TNS3: variants seen among roughly 807,000 people sequenced by gnomAD.
TNS3 encodes tensin 3, also known as tensin-3.
Under a neutral mutation model 140.9 loss-of-function variants are expected in TNS3, and 45 were observed. The ratio of observed to expected loss-of-function variants is 0.32; its 90% CI spans 0.25 to 0.41. TNS3 has a LOEUF of 0.41. Ranked by LOEUF, TNS3 falls within the 10% of genes least tolerant of loss-of-function variation. TNS3 has a pLI of 1.00. For synonymous variants in TNS3, 815 were observed against 788.4 expected (o/e 1.03, Z -0.56); for missense variants, 1,716 against 1,906.7 (o/e 0.90, Z 1.86).
intron 20 of TNS3, among the ~76,000 whole-genome samples, chr7:47,342,570 G>T (rs148461216): frequency 7.2e-5 from 11 of 152,314 alleles, no homozygotes; most frequent in African/African-American, 2.6e-4. Flanking sequence ...TGTGACATTA[G>T]GTCACTTCTA....
chr7:47,309,600 T>C (rs980100074), intron 20 of TNS3, among the ~76,000 whole-genome samples: 4 of 152,346 alleles, frequency 2.6e-5, no homozygotes, highest in Non-Finnish European at 5.9e-5. Flanking sequence ...ATGAATAATT[T>C]ACACAAATGT....
At chr7:47,410,464 C>A (rs925093717) in intron 13 of TNS3, among the ~76,000 whole-genome samples, 1 of 152,188 alleles carries the variant, frequency 6.6e-6, no homozygotes, top group African/African-American at 2.4e-5. Context: ...AAGAACCCCT[C>A]AATTAGGTGG....
At chr7:47,532,453 A>G (rs907822738) in intron 1 of TNS3, among the ~76,000 whole-genome samples, 2 of 152,172 alleles carry the variant, frequency 1.3e-5, no homozygotes, top group Non-Finnish European at 2.9e-5. Flanking sequence ...CCAGCTGCAC[A>G]GAGGAGCTAC....
At chr7:47,402,293 T>G (rs1023172830) in intron 13 of TNS3, among the ~76,000 whole-genome samples, 16 of 152,192 alleles carry the variant, frequency 1.1e-4, no homozygotes, top group African/African-American at 3.6e-4. Flanking sequence ...CATGACTGGG[T>G]CTCCCTTGTA....
chr7:47,400,528 C>T (rs544431087), intron 14 of TNS3, 70 bp from the exon 15 acceptor site: 129 of 1,511,208 alleles, frequency 8.5e-5, no homozygotes, highest in Middle Eastern at 5.1e-4. Context: ...CTGACTTTGT[C>T]CTTTATTCCA....
rs1449275596 is a variant in TNS3, at chr7:47,276,250, G to T, written c.*1826C>A. 5.3e-6 allele frequency: 1 copy of T among 189,766 alleles called. No homozygotes were observed. The highest frequency in any genetic ancestry group is 1.1e-4 in the South Asian group (1 of 8,952). The allele number at this position is 189,766 out of a possible 1,614,324, so 11.8% of individuals were successfully genotyped here. A position where few individuals can be genotyped will look rare whatever the true frequency, so the allele number is the denominator to read the frequency against. ...CATTTGGCACAGAAATGAGGCACTTGGTTTGGTGCATCAATAGGAGCTAAA... is the reference window on the plus strand; with the variant it reads ...CATTTGGCACAGAAATGAGGCACTTTGTTTGGTGCATCAATAGGAGCTAAA... On this transcript the variant is annotated 3_prime_UTR_variant, in exon 31 of 31. Transcript: ENST00000311160.
At chr7:47,551,456 C>A (rs1030225958) in intron 1 of TNS3, among the ~76,000 whole-genome samples, 125 of 152,302 alleles carry the variant, frequency 8.2e-4, no homozygotes, top group African/African-American at 2.9e-3. Context: ...GGTGTGGCCA[C>A]CTCAGGCCAA....
chr7:47,354,347 C>T (rs1789862500), intron 17 of TNS3, among the ~76,000 whole-genome samples: 1 of 152,170 alleles, frequency 6.6e-6, no homozygotes, highest in Non-Finnish European at 1.5e-5. Flanking sequence ...GCGATCCGCC[C>T]TCCCACCCCC....
intron 7 of TNS3, among the ~76,000 whole-genome samples, chr7:47,436,564 G>A (rs940672561): frequency 2.0e-5 from 3 of 152,002 alleles, no homozygotes; most frequent in Admixed American, 6.6e-5. Context: ...AAACCTGCAC[G>A]TTCTGCACCT....
intron 20 of TNS3, among the ~76,000 whole-genome samples, chr7:47,315,676 T>G (rs1167221826): frequency 1.8e-4 from 27 of 152,204 alleles, no homozygotes; most frequent in Admixed American, 1.8e-3. Context: ...GGCCAAAACC[T>G]GCAACCTAAA....
intron 2 of TNS3, among the ~76,000 whole-genome samples, chr7:47,509,367 C>G (rs115499715): frequency 6.6e-6 from 1 of 152,214 alleles, no homozygotes; most frequent in Non-Finnish European, 1.5e-5. Context: ...ACTCGATTGT[C>G]AGCAGCATGG....
At chr7:47,318,261 G>A (rs1584389218) in intron 20 of TNS3, among the ~76,000 whole-genome samples, 1 of 152,188 alleles carries the variant, frequency 6.6e-6, no homozygotes, top group Middle Eastern at 3.4e-3. Flanking sequence ...GTGTCAGAAC[G>A]TCCTTCCTTT....
chr7:47,314,183 C>T (rs1457581684), intron 20 of TNS3, among the ~76,000 whole-genome samples: 1 of 152,228 alleles, frequency 6.6e-6, no homozygotes, highest in Non-Finnish European at 1.5e-5. Context: ...AGTGTCACAT[C>T]TTCAGGTCAG....
At chr7:47,441,708 C>T (rs1390262424) in intron 5 of TNS3, among the ~76,000 whole-genome samples, 1 of 152,164 alleles carries the variant, frequency 6.6e-6, no homozygotes, top group Non-Finnish European at 1.5e-5. Context: ...GGGCTCTTGC[C>T]AGCACACCCT....
intron 9 of TNS3, among the ~76,000 whole-genome samples, chr7:47,425,801 T>C (rs1794615185): frequency 6.6e-6 from 1 of 152,252 alleles, no homozygotes; most frequent in African/African-American, 2.4e-5. Flanking sequence ...ATGGTGTTGA[T>C]ACAAGAATGT....
intron 1 of TNS3, among the ~76,000 whole-genome samples, chr7:47,532,554 G>A (rs1172083797): frequency 1.3e-5 from 2 of 152,186 alleles, no homozygotes. Flanking sequence ...CCTCTCTGCT[G>A]AGAGCAGCAG....
chr7:47,292,071 C>G (rs190863104), intron 26 of TNS3, 39 bp from the exon 27 acceptor site: 1 of 1,595,678 alleles, frequency 6.3e-7, no homozygotes, highest in Non-Finnish European at 8.6e-7. Context: ...ATGAGTCCTG[C>G]TCCTGACCAA....
chr7:47,376,407 C>A (rs1791388112), intron 16 of TNS3, among the ~76,000 whole-genome samples: 1 of 152,184 alleles, frequency 6.6e-6, no homozygotes, highest in Non-Finnish European at 1.5e-5. Flanking sequence ...TCTGGAAACA[C>A]CCCTCTCTTA....
At chr7:47,314,518 C>T (rs1411031421) in intron 20 of TNS3, among the ~76,000 whole-genome samples, 1 of 152,212 alleles carries the variant, frequency 6.6e-6, no homozygotes, top group Admixed American at 6.5e-5. Context: ...GATGATCTAC[C>T]TACTGCAAAC....
Sources: allele counts gnomAD v4.1 joint callset (sites outside exome capture counted in the v4.1 genomes callset), GRCh38; gene constraint gnomAD v4.1.1; transcripts MANE v1.5; gene names NCBI Gene and HGNC (gene_info 2026-07-23, HGNC 2026-07-21).